PPIL2: variants seen among roughly 807,000 people sequenced by gnomAD.
PPIL2 encodes RING-type E3 ubiquitin-protein ligase PPIL2.
In PPIL2, 50 loss-of-function variants were observed where a neutral mutation model predicts 75.2. The observed-to-expected ratio is 0.66, with a 90% CI of 0.53 to 0.84. The LOEUF is 0.84. Among genes scored for constraint, PPIL2 ranks in the 40% least tolerant of loss-of-function variants. The probability of loss-of-function intolerance (pLI) is 0.00; values close to 1 mark genes in which losing one functional copy is unlikely to be tolerated. For missense variants in PPIL2, 590 were observed against 685.0 expected, an observed-to-expected ratio of 0.86 and a Z score of 1.55; for synonymous variants, 245 against 258.8, an observed-to-expected ratio of 0.95 and a Z score of 0.51.
At chr22:21,687,834 G>A (rs2067439416) in intron 13 of PPIL2, 102 bp downstream of exon 13, 8 of 1,245,720 alleles carry the variant, frequency 6.4e-6, no homozygotes, top group South Asian at 5.2e-5. Context: ...CCCATCCCAC[G>A]GTGGCCAGGA....
At chr22:21,676,503 C>G (rs1601527356) in intron 6 of PPIL2, among the ~76,000 whole-genome samples, 1 of 151,312 alleles carries the variant, frequency 6.6e-6, no homozygotes, top group Non-Finnish European at 1.5e-5. Flanking sequence ...GGCAGAGGAC[C>G]CTGCGGCCTT....
intron 5 of PPIL2, 76 bp from the exon 6 acceptor site, chr22:21,674,988 C>A: frequency 4.4e-6 from 6 of 1,349,798 alleles, no homozygotes; most frequent in Non-Finnish European, 6.3e-6. Context: ...ACTTTTCCTG[C>A]CTGTCTCTGA....
intron 13 of PPIL2, 145 bp from the exon 14 acceptor site, chr22:21,687,928 G>A: frequency 8.5e-7 from 1 of 1,171,100 alleles, no homozygotes; most frequent in East Asian, 2.3e-5. Context: ...GTTCACAAAG[G>A]GAGGTGGCTG....
Position 21,693,824 on chromosome 22 carries a change from C to A in PPIL2, c.1148C>A (p.Thr383Lys). ...PNSNRSQFFI[T>K]FRSCAYLDKK... Reference sequence around the variant, plus strand: ...CCAGCCCTCCTCCCCAGCTTCATCACGTTTCGCTCCTGTGCCTACCTGGAC... The same window carrying A: ...CCAGCCCTCCTCCCCAGCTTCATCAAGTTTCGCTCCTGTGCCTACCTGGAC... Residue 383 changes from threonine (T) to lysine (K), a missense_variant, in exon 16 of 20, where the codon ACG becomes AAG. Physicochemically the swap from Thr to Lys is moderately conservative, Grantham distance 78. Coordinates refer to ENST00000398831, the MANE Select transcript of PPIL2 (RefSeq NM_014337.4). The A allele has an allele frequency of 6.5e-7, 1 of 1,541,066 alleles. No homozygotes were observed. The highest frequency in any genetic ancestry group is 1.4e-5 in the African/African-American group (1 of 73,274).
Position 21,684,787 on chromosome 22 carries a change from T to G in PPIL2, c.588T>G (p.Tyr196Ter). 6.2e-7 allele frequency: 1 copy of G among 1,614,030 alleles called. No individual in the cohort carries two copies. Among genetic ancestry groups the G allele is most frequent in the Non-Finnish European group, 8.5e-7 (1 of 1,180,014 alleles). ...EEKAKQDPSY[Y>*]LKNTNAETRE... ...AGGCCAAACAGGACCCGTCTTATTA[T>G]CTGAAAAATACAAATGCCGAGACCC... The change falls in exon 10 of 20, where the codon TAT becomes TAG. Residue 196 changes from tyrosine (Y) to a stop codon, truncating the protein, a stop_gained. Transcript: ENST00000398831. LOFTEE classifies it high-confidence loss of function.
At chr22:21,698,293 C>T (rs1050032968), downstream of PPIL2, 2 of 148,028 alleles carry the variant, frequency 1.4e-5, no homozygotes, top group Non-Finnish European at 1.5e-5. Context: ...AGTCATAAGA[C>T]TACTAGTAAA....
chr22:21,675,172 C>T (rs1466741200), intron 6 of PPIL2, 57 bp downstream of exon 6: 4 of 1,446,906 alleles, frequency 2.8e-6, no homozygotes, highest in Non-Finnish European at 3.9e-6. Context: ...AAGGGCCCAG[C>T]TCTCACCAGT....
At chr22:21,670,734 G>A in intron 3 of PPIL2, 123 bp downstream of exon 3, 1 of 1,126,522 alleles carries the variant, frequency 8.9e-7, no homozygotes, top group Non-Finnish European at 1.3e-6. Context: ...TGGCCCTTCA[G>A]TTCATGTTGG....
intron 1 of PPIL2, among the ~76,000 whole-genome samples, chr22:21,667,601 C>G (rs1304125583): frequency 6.6e-6 from 1 of 152,048 alleles, no homozygotes; most frequent in Admixed American, 6.6e-5. Context: ...TCCCAGTCTC[C>G]TTTCTGGACC....
chr22:21,676,340 T>TGTGTGTGTGTGTGTG (rs1555894901), intron 6 of PPIL2, among the ~76,000 whole-genome samples: 3 of 150,884 alleles, frequency 2.0e-5, no homozygotes, highest in South Asian at 2.1e-4. Flanking sequence ...TGTGTGTGTG[T>TGTGTGTGTGTGTGTG]TATTGTTTAT....
downstream of PPIL2, chr22:21,697,963 A>G (rs2068003093): frequency 6.6e-6 from 1 of 152,356 alleles, no homozygotes; most frequent in Admixed American, 6.5e-5. Context: ...GCATTAAGGT[A>G]TAAAAAATAC....
At chr22:21,699,732 A>G (rs1168580307), downstream of PPIL2, 1 of 152,726 alleles carries the variant, frequency 6.5e-6, no homozygotes, top group Non-Finnish European at 1.5e-5. Context: ...CATATGCAAA[A>G]ATAATTCTTT....
chr22:21,670,296 C>T, intron 2 of PPIL2: 1 of 1,462,982 alleles, frequency 6.8e-7, no homozygotes, highest in African/African-American at 1.4e-5. Flanking sequence ...ATAATATTTT[C>T]AGCTGTCAAA....
rs1389592025 is a variant in PPIL2 at position 21,696,813 on chromosome 22, G to A, written c.*1323G>A. 1.3e-6 allele frequency: 2 copies of A among 1,554,306 alleles called. No homozygotes were observed. Among genetic ancestry groups the A allele is most frequent in the Admixed American group, 3.9e-5 (2 of 51,302 alleles). On this transcript the variant is annotated 3_prime_UTR_variant, in exon 20 of 20. Transcript: ENST00000398831. ...TCACTGATGCTGAAGCTGCAGGCCT[G>A]AGCCCTTTGTCTCCCTGGATGCTGG...
chr22:21,674,837 G>GT (rs1671466291), intron 5 of PPIL2, among the ~76,000 whole-genome samples: 1 of 152,238 alleles, frequency 6.6e-6, no homozygotes, highest in South Asian at 2.1e-4. Flanking sequence ...GGGGTCACCC[G>GT]TGACGGCTCT....
Position 21,695,713 on chromosome 22 carries a change from G to C in PPIL2, c.*223G>C, listed in dbSNP as rs1476694003. ...GTTTCCAGGACCTGGCCCAGCCAGA[G>C]CCCACTGCTGGGACCTTCAAGCACA... On this transcript the variant is annotated 3_prime_UTR_variant, in exon 20 of 20. Coordinates refer to ENST00000398831, the MANE Select transcript of PPIL2 (RefSeq NM_014337.4). The C allele has an allele frequency of 1.4e-5, 19 of 1,361,204 alleles. No homozygotes were observed. The highest frequency in any genetic ancestry group is 1.7e-5 in the Non-Finnish European group (18 of 1,053,176). 84.3% of individuals were successfully genotyped at this position (1,361,204 alleles called of 1,614,324 possible). A position where few individuals can be genotyped will look rare whatever the true frequency, so the allele number is the denominator to read the frequency against.
At chr22:21,672,533 C>T (rs1042703094) in intron 5 of PPIL2, 152 bp downstream of exon 5, 1 of 745,302 alleles carries the variant, frequency 1.3e-6, no homozygotes, top group Non-Finnish European at 2.3e-6. Context: ...CCTCTCCCCA[C>T]ACCCATTCTT....
At chr22:21,675,517 AGAGC>A (rs926395599) in intron 6 of PPIL2, among the ~76,000 whole-genome samples, 75 of 152,282 alleles carry the variant, frequency 4.9e-4, no homozygotes, top group African/African-American at 1.8e-3. Context: ...GCCTGGCAAC[AGAGC>A]GAGACTCTGT....
At position 21,689,691 on chromosome 22, in the gene PPIL2, C is replaced by T. The variant is rs142775557; in HGVS notation, c.1139+842C>T. Among the ~76,000 whole-genome samples, 254 of 152,330 alleles carry T rather than the reference C, an allele frequency of 1.7e-3. 1 individual carries two copies. The highest frequency in any genetic ancestry group is 5.9e-3 in the African/African-American group (245 of 41,574). On this transcript the variant is annotated intron_variant, in intron 15 of 19. Coordinates refer to ENST00000398831, the MANE Select transcript of PPIL2 (RefSeq NM_014337.4). ...ATCAGTCACGTCACCGTCACGTCAC[C>T]GTGGGCCTGATGGGGGAGGAGGATG...
Sources: allele counts gnomAD v4.1 joint callset (sites outside exome capture counted in the v4.1 genomes callset), GRCh38; gene constraint gnomAD v4.1.1; transcripts MANE v1.5; gene names NCBI Gene and HGNC (gene_info 2026-07-23, HGNC 2026-07-21).